Variants in GFRA1 observed in about 807,000 individuals in gnomAD.
GFRA1 encodes the protein GDNF family receptor alpha 1, also known as GDNF family receptor alpha-1.
A neutral mutation model predicts 51.6 loss-of-function variants in GFRA1; 16 were observed. The observed-to-expected ratio is 0.31, with a 90% CI of 0.21 to 0.47. The LOEUF (loss-of-function observed/expected upper bound fraction) is 0.47, where lower values mean the gene tolerates loss of function less well. Ranked by LOEUF, GFRA1 falls within the 20% of genes least tolerant of loss-of-function variation. The probability of loss-of-function intolerance (pLI) is 1.00; values close to 1 mark genes in which losing one functional copy is unlikely to be tolerated. For missense variants in GFRA1, 530 were observed against 594.3 expected, an observed-to-expected ratio of 0.89 and a Z score of 1.13; for synonymous variants, 270 against 241.3, an observed-to-expected ratio of 1.12 and a Z score of -1.10.
At chr10:116,269,914 C>A (rs1178003183) in intron 3 of GFRA1, among the ~76,000 whole-genome samples, 1 of 152,018 alleles carries the variant, frequency 6.6e-6, no homozygotes, top group Non-Finnish European at 1.5e-5. Context: ...CCTCCAGGAG[C>A]CAATGGAAGA....
intron 9 of GFRA1, among the ~76,000 whole-genome samples, chr10:116,074,533 T>C (rs1433532407): frequency 1.3e-5 from 2 of 152,026 alleles, no homozygotes; most frequent in Non-Finnish European, 2.9e-5. Flanking sequence ...GCAGCTTCTG[T>C]AGGAAGTCAG....
intron 4 of GFRA1, among the ~76,000 whole-genome samples, chr10:116,254,880 TC>T (rs1968701943): frequency 6.6e-6 from 1 of 152,110 alleles, no homozygotes; most frequent in Non-Finnish European, 1.5e-5. Flanking sequence ...CCAAAGGAAG[TC>T]GTTTCCAGGC....
chr10:116,205,053 A>G (rs1369908543), intron 5 of GFRA1, among the ~76,000 whole-genome samples: 1 of 152,204 alleles, frequency 6.6e-6, no homozygotes, highest in Non-Finnish European at 1.5e-5. Flanking sequence ...ACACAATGGT[A>G]AGAATCTAAG....
chr10:116,147,217 C>T (rs1958841029), intron 5 of GFRA1, among the ~76,000 whole-genome samples: 1 of 152,128 alleles, frequency 6.6e-6, no homozygotes, highest in Non-Finnish European at 1.5e-5. Context: ...ACAGAGAACA[C>T]GCTGAGTGCG....
chr10:116,125,901 G>C (rs1589808677), intron 5 of GFRA1, among the ~76,000 whole-genome samples: 1 of 151,896 alleles, frequency 6.6e-6, no homozygotes, highest in South Asian at 2.1e-4. Context: ...TAGGATAAAA[G>C]AAAAAAACAA....
At chr10:116,176,094 T>C (rs571826536) in intron 5 of GFRA1, among the ~76,000 whole-genome samples, 4 of 152,214 alleles carry the variant, frequency 2.6e-5, no homozygotes, top group Non-Finnish European at 5.9e-5. Context: ...AGAAAGAGTA[T>C]GAACCTATGC....
intron 5 of GFRA1, among the ~76,000 whole-genome samples, chr10:116,148,023 C>CGCATGCATGTGTGCATGTGCATGTGT (rs1958886514): frequency 7.3e-6 from 1 of 136,840 alleles, no homozygotes; most frequent in Non-Finnish European, 1.6e-5. Flanking sequence ...CGTGTGTGCG[C>CGCATGCATGTGTGCATGTGCATGTGT]GCATGCATGT....
intron 4 of GFRA1, among the ~76,000 whole-genome samples, chr10:116,238,456 A>G (rs372063303): frequency 7.2e-5 from 11 of 152,226 alleles, no homozygotes; most frequent in African/African-American, 2.7e-4. Context: ...CACGTCACAT[A>G]TATTTACACA....
At chr10:116,121,732 C>T (rs1237723877) in intron 6 of GFRA1, among the ~76,000 whole-genome samples, 1 of 152,174 alleles carries the variant, frequency 6.6e-6, no homozygotes, top group Non-Finnish European at 1.5e-5. Context: ...TCCCTCTTGC[C>T]ATCCCTTCCC....
intron 5 of GFRA1, among the ~76,000 whole-genome samples, chr10:116,196,662 CTATATATAA>C (rs1963858994): frequency 8.8e-5 from 1 of 11,386 alleles, no homozygotes; most frequent in South Asian, 2.8e-3. Flanking sequence ...ATATATAGTA[CTATATATAA>C]TATATATAAT....
chr10:116,142,828 C>G (rs369195616), intron 5 of GFRA1, among the ~76,000 whole-genome samples: 1 of 152,158 alleles, frequency 6.6e-6, no homozygotes, highest in East Asian at 1.9e-4. Context: ...TTACTTTAAG[C>G]TAAATGAGGT....
chr10:116,080,329 G>A (rs982502978), intron 9 of GFRA1, among the ~76,000 whole-genome samples: 8 of 152,090 alleles, frequency 5.3e-5, no homozygotes, highest in African/African-American at 1.9e-4. Context: ...GCTACTAAGT[G>A]GTGGAGTGCA....
At chr10:116,071,972 C>T (rs919120232) in intron 9 of GFRA1, among the ~76,000 whole-genome samples, 8 of 151,992 alleles carry the variant, frequency 5.3e-5, no homozygotes, top group East Asian at 1.9e-4. Context: ...ACAGGAGTGA[C>T]GTTTGACACC....
Position 116,151,967 on chromosome 10 carries a change from G to T in GFRA1, c.434-26410C>A, listed in dbSNP as rs554769241. Among the ~76,000 whole-genome samples the T allele has an allele frequency of 3.9e-5, 6 of 152,290 alleles. No homozygotes were observed. The East Asian group carries it at 1.2e-3, about 29-fold the overall frequency. On this transcript the variant is annotated intron_variant, in intron 5 of 10. Transcript: ENST00000355422. ...GAGCTCCCTGAGAGGTGACTTGAGA[G>T]GTGGAGTGAGTTGAGGCAAGCCCTA...
intron 5 of GFRA1, among the ~76,000 whole-genome samples, chr10:116,197,897 G>C (rs1964021678): frequency 6.6e-6 from 1 of 152,240 alleles, no homozygotes; most frequent in Non-Finnish European, 1.5e-5. Context: ...CCAGGGACCA[G>C]ATGGAGGCCC....
Position 116,119,010 on chromosome 10 carries a change from T to G in GFRA1, c.770+6211A>C, listed in dbSNP as rs112403451. ...AATGAATGAGAGAGAAGGCAGGTCA[T>G]AGCTGGGCAGGTCATAGCTGGCTCC... On this transcript the variant is annotated intron_variant, in intron 6 of 10. Transcript: ENST00000355422. Among the ~76,000 whole-genome samples the G allele has an allele frequency of 7.9e-5, 12 of 152,208 alleles. 1 individual carries two copies. Among genetic ancestry groups the G allele is most frequent in the African/African-American group, 2.9e-4 (12 of 41,540 alleles).
rs1340463987 is a variant in GFRA1, at chr10:116,059,113, A to C, written c.*5285T>G. The C allele has an allele frequency of 6.6e-6, 1 of 152,216 alleles. No homozygotes were observed. Among genetic ancestry groups the C allele is most frequent in the Admixed American group, 6.5e-5 (1 of 15,288 alleles). The allele number at this position is 152,216 out of a possible 1,614,324, so 9.4% of individuals were successfully genotyped here. On this transcript the variant is annotated 3_prime_UTR_variant, in exon 11 of 11. Transcript: ENST00000355422. ...ACCTCAGGAGGACACATTCAGGGTC[A>C]ATACAGCTCAATGCCAGGAATACGA...
At chr10:116,209,290 A>T (rs183539174) in intron 5 of GFRA1, among the ~76,000 whole-genome samples, 25 of 152,302 alleles carry the variant, frequency 1.6e-4, no homozygotes, top group Admixed American at 1.2e-3. Flanking sequence ...TCCAGAGGAA[A>T]TAACTTCTGT....
intron 5 of GFRA1, among the ~76,000 whole-genome samples, chr10:116,130,072 C>T (rs1046515009): frequency 1.8e-4 from 26 of 146,194 alleles, no homozygotes; most frequent in Admixed American, 2.7e-4. Flanking sequence ...ATTTACAGCA[C>T]GATCAATGAA....
Sources: gnomAD v4.1 joint callset for allele counts (sites outside exome capture counted in the v4.1 genomes callset) on GRCh38, gnomAD v4.1.1 for gene constraint, MANE v1.5 for transcripts, NCBI Gene and HGNC (gene_info 2026-07-23, HGNC 2026-07-21) for gene names.